The following MEIS2 variants were observed in gnomAD, a reference collection of about 807,000 sequenced individuals.
MEIS2 encodes the protein homeobox protein Meis2.
Under a neutral mutation model 58.6 loss-of-function variants are expected in MEIS2, and 9 were observed. That is an observed-to-expected ratio of 0.15 (90% CI 0.09 to 0.27). The LOEUF (loss-of-function observed/expected upper bound fraction) is 0.27, where lower values mean the gene tolerates loss of function less well. MEIS2 is among the 10% of genes least tolerant of loss of function. The pLI is 1.00. For synonymous variants in MEIS2, 221 were observed against 228.4 expected (o/e 0.97, Z 0.29); for missense variants, 427 against 635.0 (o/e 0.67, Z 3.52).
intron 8 of MEIS2, among the ~76,000 whole-genome samples, chr15:37,001,325 C>T (rs2060719357): frequency 6.6e-6 from 1 of 152,124 alleles, no homozygotes; most frequent in South Asian, 2.1e-4. Flanking sequence ...CAGCTACTAC[C>T]TTGGACCCTT....
At chr15:36,984,708 C>T (rs1249519983) in intron 8 of MEIS2, among the ~76,000 whole-genome samples, 1 of 152,108 alleles carries the variant, frequency 6.6e-6, no homozygotes, top group Non-Finnish European at 1.5e-5. Context: ...ACCAGTGAAG[C>T]CCTTAGGTCC....
At chr15:37,067,596 T>TAA (rs5811961) in intron 7 of MEIS2, among the ~76,000 whole-genome samples, 191 of 144,742 alleles carry the variant, frequency 1.3e-3, no homozygotes, top group East Asian at 6.0e-3. Flanking sequence ...AATCAGAAAT[T>TAA]AAAAAAAAAA....
chr15:36,923,682 CACAA>C (rs2057616897), intron 9 of MEIS2, among the ~76,000 whole-genome samples: 1 of 152,196 alleles, frequency 6.6e-6, no homozygotes, highest in African/African-American at 2.4e-5. Flanking sequence ...GAGAAGAAAA[CACAA>C]ACAAAAGTCT....
intron 8 of MEIS2, among the ~76,000 whole-genome samples, chr15:37,017,974 C>T (rs964510130): frequency 6.6e-6 from 1 of 152,162 alleles, no homozygotes; most frequent in African/African-American, 2.4e-5. Context: ...CCAACCTCCC[C>T]CAGTATTTAA....
intron 9 of MEIS2, among the ~76,000 whole-genome samples, chr15:36,916,428 A>C (rs1173669583): frequency 6.9e-6 from 1 of 144,158 alleles, no homozygotes; most frequent in African/African-American, 2.6e-5. Context: ...CTCCATCTCA[A>C]TTAAAAAAAA....
intron 9 of MEIS2, among the ~76,000 whole-genome samples, chr15:36,917,311 G>A (rs368950270): frequency 1.3e-5 from 2 of 152,180 alleles, no homozygotes; most frequent in South Asian, 2.1e-4. Context: ...AAGCCAGTAG[G>A]TTCTAAGGAA....
intron 8 of MEIS2, among the ~76,000 whole-genome samples, chr15:36,973,262 CAG>C (rs2059627584): frequency 6.6e-6 from 1 of 152,174 alleles, no homozygotes; most frequent in African/African-American, 2.4e-5. Flanking sequence ...GATTCAGACA[CAG>C]AGTTTTGCAG....
In MEIS2 at chr15:36,999,073, T is replaced by C. The variant is rs1411597249; in HGVS notation, c.900+37741A>G. ...CTCAATCAATTCATCATTTTGAAAA[T>C]AATTGCGTATAACTGGCCTGAAGAC... On this transcript the variant is annotated intron_variant, in intron 8 of 11. Coordinates refer to ENST00000561208, the MANE Select transcript of MEIS2 (RefSeq NM_170675.5). 2.6e-5 allele frequency among the ~76,000 whole-genome samples: 4 copies of C among 152,320 alleles called. No homozygotes were observed. The East Asian group carries it at 7.7e-4, about 29-fold the overall frequency.
chr15:36,998,440 C>G (rs1385733620), intron 8 of MEIS2, among the ~76,000 whole-genome samples: 2 of 151,710 alleles, frequency 1.3e-5, no homozygotes, highest in African/African-American at 4.8e-5. Context: ...AGGCTGGTCT[C>G]AAACTCATGG....
chr15:36,949,351 G>T (rs1270536536), intron 9 of MEIS2, among the ~76,000 whole-genome samples: 3 of 151,992 alleles, frequency 2.0e-5, no homozygotes, highest in Admixed American at 2.0e-4. Context: ...CAGCGAGCCT[G>T]ATAAACCTAA....
intron 9 of MEIS2, among the ~76,000 whole-genome samples, chr15:36,916,035 T>C (rs1024914219): frequency 2.6e-5 from 4 of 152,214 alleles, no homozygotes; most frequent in Non-Finnish European, 5.9e-5. Flanking sequence ...AGCTAATGTA[T>C]ATTTTAGGTG....
chr15:36,898,969 T>C (rs898175127), intron 9 of MEIS2, among the ~76,000 whole-genome samples: 2 of 152,240 alleles, frequency 1.3e-5, no homozygotes, highest in African/African-American at 2.4e-5. Flanking sequence ...CTAGCAGTTA[T>C]GGCAATGGCC....
intron 9 of MEIS2, among the ~76,000 whole-genome samples, chr15:36,931,244 T>C (rs1205548488): frequency 6.6e-6 from 1 of 152,122 alleles, no homozygotes; most frequent in Non-Finnish European, 1.5e-5. Flanking sequence ...CAGTATATCA[T>C]GGGGGAAGAC....
At chr15:36,943,652 C>G (rs2058454241) in intron 9 of MEIS2, among the ~76,000 whole-genome samples, 1 of 152,028 alleles carries the variant, frequency 6.6e-6, no homozygotes, top group Admixed American at 6.6e-5. Context: ...TTCCTCTAAA[C>G]TAGGAACTTT....
At chr15:36,970,876 G>A (rs988598302) in intron 8 of MEIS2, among the ~76,000 whole-genome samples, 1 of 152,172 alleles carries the variant, frequency 6.6e-6, no homozygotes, top group Non-Finnish European at 1.5e-5. Flanking sequence ...ACTGTGTCAC[G>A]TTAGAGCAGA....
intron 7 of MEIS2, among the ~76,000 whole-genome samples, chr15:37,048,296 T>C (rs917889149): frequency 4.6e-5 from 7 of 152,158 alleles, no homozygotes; most frequent in African/African-American, 1.7e-4. Flanking sequence ...GTCTCTTTTA[T>C]CATACTTTAA....
intron 8 of MEIS2, among the ~76,000 whole-genome samples, chr15:36,999,858 T>C (rs1376039755): frequency 6.6e-6 from 1 of 152,228 alleles, no homozygotes. Context: ...ACTGGGAGTG[T>C]AATTTTTAAA....
In MEIS2 at chr15:37,003,251, C is replaced by A. The variant is rs117845196; in HGVS notation, c.900+33563G>T. ...TCTGCCATAGACTCTGTGTGATACTCCAGAAAATACTTCTCAGAAAGCTGA... is the reference window on the plus strand; with the variant it reads ...TCTGCCATAGACTCTGTGTGATACTACAGAAAATACTTCTCAGAAAGCTGA... On this transcript the variant is annotated intron_variant, in intron 8 of 11. Coordinates refer to ENST00000561208, the MANE Select transcript of MEIS2 (RefSeq NM_170675.5). Among the ~76,000 whole-genome samples, 1,187 of 152,058 alleles carry A rather than the reference C, an allele frequency of 7.8e-3. 14 individuals carry two copies. The highest frequency in any genetic ancestry group is 0.013 in the Admixed American group (206 of 15,272).
At position 36,895,146 on chromosome 15, in the gene MEIS2, C is replaced by T; in HGVS notation, c.1147+5G>A. 6.2e-7 allele frequency: 1 copy of T among 1,612,486 alleles called. No homozygotes were observed. The highest frequency in any genetic ancestry group is 8.5e-7 in the Non-Finnish European group (1 of 1,179,430). Reference sequence around the variant, plus strand: ...GAAGCCCAGAGGCGGGATGAGCCAACCTACCTGCAGGCCGGATCCCCATGT... The same window carrying T: ...GAAGCCCAGAGGCGGGATGAGCCAATCTACCTGCAGGCCGGATCCCCATGT... On this transcript the variant is annotated splice_donor_5th_base_variant and intron_variant, in intron 11 of 11. Transcript: ENST00000561208.
Sources: gnomAD v4.1 joint callset for allele counts (sites outside exome capture counted in the v4.1 genomes callset) on GRCh38, gnomAD v4.1.1 for gene constraint, MANE v1.5 for transcripts, NCBI Gene and HGNC (gene_info 2026-07-23, HGNC 2026-07-21) for gene names.